IGFBPL1: variants seen among roughly 807,000 people sequenced by gnomAD.
IGFBPL1 encodes insulin-like growth factor-binding protein-like 1.
A neutral mutation model predicts 23.9 loss-of-function variants in IGFBPL1; 20 were observed. The observed-to-expected ratio is 0.84, with a 90% CI of 0.59 to 1.22. The LOEUF is 1.22. Ranked by LOEUF, IGFBPL1 falls within the 50% of genes most tolerant of loss-of-function variation. The pLI is 0.00. For synonymous variants in IGFBPL1, 184 were observed against 171.8 expected, an observed-to-expected ratio of 1.07 and a Z score of -0.56; for missense variants, 436 against 379.3, an observed-to-expected ratio of 1.15 and a Z score of -1.24.
chr9:38,414,995 C>A (rs947537778), intron 1 of IGFBPL1, among the ~76,000 whole-genome samples: 4 of 152,214 alleles, frequency 2.6e-5, no homozygotes, highest in African/African-American at 7.2e-5. Context: ...GGCGTTTCTA[C>A]CTGCTCTCAC....
At chr9:38,410,342 G>A (rs1821494620) in intron 4 of IGFBPL1, among the ~76,000 whole-genome samples, 1 of 152,106 alleles carries the variant, frequency 6.6e-6, no homozygotes, top group South Asian at 2.1e-4. Flanking sequence ...AATTAGCCAG[G>A]TGTGGTGGCG....
intron 1 of IGFBPL1, among the ~76,000 whole-genome samples, chr9:38,421,797 C>T (rs1276582492): frequency 2.0e-5 from 3 of 152,214 alleles, no homozygotes; most frequent in East Asian, 3.8e-4. Context: ...GCAGAGGCCA[C>T]ACTAGCACTT....
chr9:38,418,246 G>A (rs1016042595), intron 1 of IGFBPL1, among the ~76,000 whole-genome samples: 12 of 152,210 alleles, frequency 7.9e-5, no homozygotes, highest in African/African-American at 2.2e-4. Context: ...GAAGGACAGC[G>A]TGGCAGGCAG....
chr9:38,417,751 G>A (rs569996052), intron 1 of IGFBPL1, among the ~76,000 whole-genome samples: 2 of 152,306 alleles, frequency 1.3e-5, no homozygotes, highest in East Asian at 3.9e-4. Context: ...GGAGTCACAA[G>A]CATGTGAAAT....
chr9:38,418,442 T>C (rs945361960), intron 1 of IGFBPL1, among the ~76,000 whole-genome samples: 1 of 152,202 alleles, frequency 6.6e-6, no homozygotes, highest in Non-Finnish European at 1.5e-5. Context: ...ACTTGAGGAC[T>C]CAGGCAGGGT....
intron 1 of IGFBPL1, among the ~76,000 whole-genome samples, chr9:38,418,712 C>T (rs983221959): frequency 1.3e-5 from 2 of 152,134 alleles, no homozygotes; most frequent in Admixed American, 1.3e-4. Context: ...AGCTTCATCC[C>T]CCTATAGCTC....
intron 1 of IGFBPL1, among the ~76,000 whole-genome samples, chr9:38,415,001 C>G (rs1463021710): frequency 7.9e-5 from 12 of 152,224 alleles, no homozygotes; most frequent in Non-Finnish European, 1.8e-4. Context: ...TCTACCTGCT[C>G]TCACCTGCAT....
At position 38,407,499 on chromosome 9, in the gene IGFBPL1, G is replaced by A. The variant is rs938633343; in HGVS notation, c.*1728C>T. On this transcript the variant is annotated 3_prime_UTR_variant, in exon 5 of 5. Transcript: ENST00000377694. Reference sequence around the variant, plus strand: ...GGAATGGCAGGCTTACAGGCGGAAAGTTCACTTCCAACAAGGACTCCAAAA... The same window carrying A: ...GGAATGGCAGGCTTACAGGCGGAAAATTCACTTCCAACAAGGACTCCAAAA... Among the ~76,000 whole-genome samples the A allele has an allele frequency of 6.6e-6, 1 of 152,240 alleles. No homozygotes were observed. Among genetic ancestry groups the A allele is most frequent in the Non-Finnish European group, 1.5e-5 (1 of 68,042 alleles).
chr9:38,410,050 A>G (rs1161037522), intron 4 of IGFBPL1, among the ~76,000 whole-genome samples: 2 of 152,254 alleles, frequency 1.3e-5, no homozygotes, highest in African/African-American at 2.4e-5. Context: ...AAAGAATAAT[A>G]TAACTAAAAC....
intron 1 of IGFBPL1, among the ~76,000 whole-genome samples, chr9:38,416,676 ATTTT>A (rs10555920): frequency 5.7e-5 from 8 of 140,408 alleles, no homozygotes; most frequent in East Asian, 2.1e-4. Context: ...TCCGGTTCTA[ATTTT>A]TTTTTTTTTT....
intron 1 of IGFBPL1, among the ~76,000 whole-genome samples, chr9:38,419,684 A>C (rs747614561): frequency 6.6e-6 from 1 of 152,170 alleles, no homozygotes; most frequent in South Asian, 2.1e-4. Context: ...GGGTGCACAC[A>C]CTGAACTATC....
At chr9:38,423,722 T>C (rs1162248544) in intron 1 of IGFBPL1, among the ~76,000 whole-genome samples, 2 of 152,070 alleles carry the variant, frequency 1.3e-5, no homozygotes, top group Non-Finnish European at 2.9e-5. Context: ...CATCAGCAGG[T>C]ACTTAAGTAC....
chr9:38,420,674 T>G (rs916002377), intron 1 of IGFBPL1, among the ~76,000 whole-genome samples: 2 of 151,942 alleles, frequency 1.3e-5, no homozygotes, highest in African/African-American at 4.8e-5. Flanking sequence ...CTACTAAAAG[T>G]ACAAAAAACA....
rs530363443 is a variant in IGFBPL1 at position 38,410,975 on chromosome 9, G to A, written c.*9+416C>T. Reference sequence around the variant, plus strand: ...CCCAGGAAGGAAGCTCAGGTGTCCTGAACAAGGAAGAGCTCCAGGAACACA... The same window carrying A: ...CCCAGGAAGGAAGCTCAGGTGTCCTAAACAAGGAAGAGCTCCAGGAACACA... On this transcript the variant is annotated intron_variant, in intron 4 of 4. Transcript: ENST00000377694. Among the ~76,000 whole-genome samples, 4 of 152,324 alleles carry A rather than the reference G, an allele frequency of 2.6e-5. No individual in the cohort carries two copies. The South Asian group carries it at 8.3e-4, about 32-fold the overall frequency.
At position 38,414,083 on chromosome 9, in the gene IGFBPL1, G is replaced by A. The variant is rs756156787; in HGVS notation, c.570+11C>T. 1 of 1,435,744 alleles carries A rather than the reference G, an allele frequency of 7.0e-7. No individual in the cohort carries two copies. Among genetic ancestry groups the A allele is most frequent in the Non-Finnish European group, 9.7e-7 (1 of 1,027,062 alleles). The allele number at this position is 1,435,744 out of a possible 1,614,324, so 88.9% of individuals were successfully genotyped here. ...CACACACGAGATGCATGAGTTCTTG[G>A]ACAGAAATACCTTTCTCCACGTGAT... On this transcript the variant is annotated intron_variant, in intron 2 of 4. Transcript: ENST00000377694.
intron 1 of IGFBPL1, among the ~76,000 whole-genome samples, chr9:38,417,715 C>G (rs1821620569): frequency 6.6e-6 from 1 of 152,166 alleles, no homozygotes; most frequent in African/African-American, 2.4e-5. Context: ...GGGAAGCAGG[C>G]CCAAGATGCC....
At chr9:38,422,450 G>A (rs992659784) in intron 1 of IGFBPL1, among the ~76,000 whole-genome samples, 1 of 152,234 alleles carries the variant, frequency 6.6e-6, no homozygotes, top group Non-Finnish European at 1.5e-5. Context: ...AATTGCCTGT[G>A]AATTAACGGC....
chr9:38,418,067 A>G (rs564962235), intron 1 of IGFBPL1, among the ~76,000 whole-genome samples: 1 of 152,326 alleles, frequency 6.6e-6, no homozygotes, highest in East Asian at 1.9e-4. Context: ...CTATACAACA[A>G]TGAAACACCC....
chr9:38,412,347 T>G (rs1470782107), intron 3 of IGFBPL1, among the ~76,000 whole-genome samples: 1 of 152,030 alleles, frequency 6.6e-6, no homozygotes, highest in Non-Finnish European at 1.5e-5. Context: ...CCCTCAGAGG[T>G]CTTTCAGTTT....
Sources: gnomAD v4.1 joint callset for allele counts (sites outside exome capture counted in the v4.1 genomes callset) on GRCh38, gnomAD v4.1.1 for gene constraint, MANE v1.5 for transcripts, NCBI Gene and HGNC (gene_info 2026-07-23, HGNC 2026-07-21) for gene names.